The following HDAC4 variants were observed in gnomAD, a reference collection of about 807,000 sequenced individuals.
HDAC4 encodes the protein histone deacetylase A.
HDAC4 carries 16 observed loss-of-function variants against 135.1 expected under a neutral mutation model. The observed-to-expected ratio is 0.12, with a 90% confidence interval of 0.08 to 0.18. HDAC4 has a LOEUF of 0.18. HDAC4 is among the 10% of genes least tolerant of loss of function. HDAC4 has a pLI of 1.00. For missense variants in HDAC4, 1,143 were observed against 1,511.8 expected (o/e 0.76, Z 4.05); for synonymous variants, 685 against 653.4 (o/e 1.05, Z -0.74).
At chr2:239,207,960 G>A (rs1240457265) in intron 3 of HDAC4, among the ~76,000 whole-genome samples, 1 of 152,106 alleles carries the variant, frequency 6.6e-6, no homozygotes, top group Non-Finnish European at 1.5e-5. Context: ...AATAAACTAT[G>A]AGCAAGCTTA....
intron 3 of HDAC4, among the ~76,000 whole-genome samples, chr2:239,212,894 C>T (rs958649165): frequency 3.9e-4 from 59 of 152,328 alleles, no homozygotes; most frequent in African/African-American, 1.1e-3. Context: ...CACTCTTAGA[C>T]GCTGGCCAGC....
At chr2:239,081,315 G>A (rs192997386) in intron 21 of HDAC4, 123 bp from the exon 22 acceptor site, 12 of 783,896 alleles carry the variant, frequency 1.5e-5, no homozygotes, top group South Asian at 7.2e-5. Flanking sequence ...GAGAGCCCAC[G>A]TGTCCTGATC....
At chr2:239,145,396 C>T (rs1053461638) in intron 7 of HDAC4, among the ~76,000 whole-genome samples, 2 of 106,518 alleles carry the variant, frequency 1.9e-5, no homozygotes, top group African/African-American at 5.9e-5. Flanking sequence ...TTTCTGTGAA[C>T]AGCTCTGCCT....
At chr2:239,253,321 T>C (rs1452487825) in intron 2 of HDAC4, among the ~76,000 whole-genome samples, 2 of 152,246 alleles carry the variant, frequency 1.3e-5, no homozygotes, top group African/African-American at 4.8e-5. Context: ...CACTTGGGCA[T>C]GAAGGCAATC....
intron 1 of HDAC4, among the ~76,000 whole-genome samples, chr2:239,385,008 C>T (rs979915818): frequency 1.4e-4 from 21 of 152,116 alleles, no homozygotes; most frequent in African/African-American, 4.8e-4. Context: ...AACAGAACTG[C>T]GGACATTTTG....
At chr2:239,143,116 G>A (rs761000994) in intron 8 of HDAC4, among the ~76,000 whole-genome samples, 13 of 152,218 alleles carry the variant, frequency 8.5e-5, no homozygotes, top group Non-Finnish European at 1.9e-4. Context: ...TCCTTCCAGG[G>A]AAGGACTCTG....
chr2:239,329,145 TC>T (rs1046207048), intron 2 of HDAC4, among the ~76,000 whole-genome samples: 5 of 129,046 alleles, frequency 3.9e-5, no homozygotes, highest in Admixed American at 7.8e-5. Flanking sequence ...ACCCCCCACA[TC>T]CCCCCCAGTG....
chr2:239,218,011 G>A (rs959821150), intron 3 of HDAC4, among the ~76,000 whole-genome samples: 6 of 152,194 alleles, frequency 3.9e-5, no homozygotes, highest in African/African-American at 1.2e-4. Flanking sequence ...AGCACTGCTT[G>A]AGCCTGGGAG....
In HDAC4 at chr2:239,339,709, T is replaced by G. The variant is rs78600444; in HGVS notation, c.22+12969A>C. ...TAAGGCATTAAAAACACCATCTCCT[T>G]AGAAAATGCAGTCCTTGAGGCCACA... On this transcript the variant is annotated intron_variant, in intron 2 of 26. Coordinates refer to ENST00000543185, the MANE Select transcript of HDAC4 (RefSeq NM_001378414.1). Among the ~76,000 whole-genome samples the G allele has an allele frequency of 1.1e-3, 175 of 152,188 alleles. 3 individuals are homozygous for G. The East Asian group carries it at 0.032, about 28-fold the overall frequency.
intron 1 of HDAC4, among the ~76,000 whole-genome samples, chr2:239,375,874 G>C (rs994259732): frequency 2.6e-5 from 4 of 152,186 alleles, no homozygotes; most frequent in African/African-American, 9.6e-5. Context: ...CGGCCCTTAT[G>C]GGGGAGGGTG....
intron 2 of HDAC4, among the ~76,000 whole-genome samples, chr2:239,284,561 C>T (rs1159290798): frequency 6.6e-6 from 1 of 152,202 alleles, no homozygotes; most frequent in African/African-American, 2.4e-5. Context: ...CATCAGGTGC[C>T]CCTGGGCATC....
chr2:239,132,138 T>C (rs1394599811), intron 11 of HDAC4, among the ~76,000 whole-genome samples: 2 of 152,022 alleles, frequency 1.3e-5, no homozygotes, highest in Non-Finnish European at 2.9e-5. Flanking sequence ...AGGCAATGAC[T>C]ACAACAATGA....
At chr2:239,132,219 C>G (rs890919731) in intron 11 of HDAC4, among the ~76,000 whole-genome samples, 3 of 152,236 alleles carry the variant, frequency 2.0e-5, no homozygotes, top group Non-Finnish European at 4.4e-5. Flanking sequence ...GGGCGGACCG[C>G]TTAGTATCCC....
chr2:239,057,287 T>C (rs1225651284), intron 24 of HDAC4, among the ~76,000 whole-genome samples: 1 of 152,244 alleles, frequency 6.6e-6, no homozygotes, highest in Non-Finnish European at 1.5e-5. Context: ...TCCTTAAAGA[T>C]CGCAGTTACT....
chr2:239,075,149 GGGA>G (rs1174922982), intron 22 of HDAC4, among the ~76,000 whole-genome samples: 1 of 148,474 alleles, frequency 6.7e-6, no homozygotes, highest in Non-Finnish European at 1.5e-5. Context: ...GCATGAACCT[GGGA>G]GGAGGAGCTT....
rs149969628 is a variant in HDAC4, at chr2:239,290,168, T to A, written c.23-53504A>T. On this transcript the variant is annotated intron_variant, in intron 2 of 26. Coordinates refer to ENST00000543185, the MANE Select transcript of HDAC4 (RefSeq NM_001378414.1). ...AGTCTTGTCATTCAAACTTAAAATATATCAACATTTTTACTAAATTTATTT... is the reference window on the plus strand; with the variant it reads ...AGTCTTGTCATTCAAACTTAAAATAAATCAACATTTTTACTAAATTTATTT... Among the ~76,000 whole-genome samples, 12 of 152,338 alleles carry A rather than the reference T, an allele frequency of 7.9e-5. No individual in the cohort carries two copies. In the East Asian group the frequency reaches 2.3e-3, roughly 29 times the overall value.
In HDAC4 at chr2:239,306,802, C is replaced by G. The variant is rs1237708121; in HGVS notation, c.22+45876G>C. Among the ~76,000 whole-genome samples the G allele has an allele frequency of 6.6e-6, 1 of 152,082 alleles. No homozygotes were observed. On this transcript the variant is annotated intron_variant, in intron 2 of 26. Transcript: ENST00000543185. This position sits in a 1 kb window ranked among gnomAD's most constrained non-coding sequence, Gnocchi z 4.5. ...CCACCCCAGCCAACAACCGGGAGAC[C>G]CTGGCCTGGTTTCCCACACACCCCC...
chr2:239,122,785 C>A (rs10180424), intron 12 of HDAC4, among the ~76,000 whole-genome samples: 1 of 152,212 alleles, frequency 6.6e-6, no homozygotes, highest in African/African-American at 2.4e-5. Context: ...GTGATGTTTC[C>A]AAAACAACTG....
intron 3 of HDAC4, 125 bp from the exon 4 acceptor site, chr2:239,190,202 T>G: frequency 7.8e-7 from 1 of 1,289,634 alleles, no homozygotes; most frequent in Non-Finnish European, 1.0e-6. Flanking sequence ...CATTTGAGGA[T>G]TGGATACCCC....
Sources: gnomAD v4.1 joint callset for allele counts (sites outside exome capture counted in the v4.1 genomes callset) on GRCh38, gnomAD v4.1.1 for gene constraint, Gnocchi (gnomAD v3.1) non-coding constraint, MANE v1.5 for transcripts, NCBI Gene and HGNC (gene_info 2026-07-23, HGNC 2026-07-21) for gene names.